Variants in ZCCHC7 observed in about 807,000 individuals in gnomAD.
The protein encoded by ZCCHC7 is zinc finger CCHC domain-containing protein 7.
Under a neutral mutation model 52.0 loss-of-function variants are expected in ZCCHC7, and 35 were observed. That is an observed-to-expected ratio of 0.67 (90% CI 0.51 to 0.89). ZCCHC7 has a LOEUF of 0.89. ZCCHC7 is among the 40% of genes least tolerant of loss of function. The pLI is 0.00. For missense variants in ZCCHC7, 574 were observed against 649.1 expected (o/e 0.88, Z 1.26); for synonymous variants, 217 against 221.5 (o/e 0.98, Z 0.18).
chr9:37,345,528 T>C (rs1043976943), intron 6 of ZCCHC7, among the ~76,000 whole-genome samples: 6 of 152,140 alleles, frequency 3.9e-5, no homozygotes, highest in African/African-American at 1.2e-4. Flanking sequence ...AGGATCAACC[T>C]GACCAACATG....
intron 2 of ZCCHC7, among the ~76,000 whole-genome samples, chr9:37,131,576 C>T (rs534745922): frequency 6.6e-6 from 1 of 152,170 alleles, no homozygotes; most frequent in South Asian, 2.1e-4. Context: ...ACCTGGGAGG[C>T]GGAGGTTGCA....
chr9:37,251,129 A>AGT (rs1229465346), intron 2 of ZCCHC7, among the ~76,000 whole-genome samples: 1 of 152,260 alleles, frequency 6.6e-6, no homozygotes, highest in Non-Finnish European at 1.5e-5. Context: ...ATGTCAATTT[A>AGT]ATGTGTTCAG....
At chr9:37,256,859 T>C (rs1249298119) in intron 2 of ZCCHC7, among the ~76,000 whole-genome samples, 1 of 152,210 alleles carries the variant, frequency 6.6e-6, no homozygotes, top group Admixed American at 6.5e-5. Context: ...TAAAAAGCAA[T>C]TGAATTACTG....
At position 37,134,044 on chromosome 9, in the gene ZCCHC7, A is replaced by G. The variant is rs1842902115; in HGVS notation, c.610+7102A>G. Among the ~76,000 whole-genome samples, 3 of 152,108 alleles carry G rather than the reference A, an allele frequency of 2.0e-5. No individual in the cohort carries two copies. The South Asian group carries it at 6.2e-4, about 31-fold the overall frequency. On this transcript the variant is annotated intron_variant, in intron 2 of 8. Transcript: ENST00000336755. ...CGACTGAAACGTACTATATATATAT[A>G]TGTATATATTTAATCATATTACCAT...
At chr9:37,142,716 G>A (rs1039788464) in intron 2 of ZCCHC7, among the ~76,000 whole-genome samples, 1 of 151,618 alleles carries the variant, frequency 6.6e-6, no homozygotes, top group African/African-American at 2.4e-5. Flanking sequence ...TCATGAGTTT[G>A]TAAAACTATT....
intron 2 of ZCCHC7, among the ~76,000 whole-genome samples, chr9:37,207,001 C>T (rs1476560697): frequency 6.6e-6 from 1 of 151,718 alleles, no homozygotes; most frequent in African/African-American, 2.4e-5. Flanking sequence ...TGGTGTGCAA[C>T]CGTAGTCCCA....
At chr9:37,318,478 T>A (rs1469909929) in intron 5 of ZCCHC7, among the ~76,000 whole-genome samples, 2 of 151,212 alleles carry the variant, frequency 1.3e-5, no homozygotes, top group African/African-American at 4.9e-5. Context: ...TATATATATT[T>A]TATATATATA....
chr9:37,133,246 G>A (rs923924833), intron 2 of ZCCHC7, among the ~76,000 whole-genome samples: 1 of 152,092 alleles, frequency 6.6e-6, no homozygotes, highest in Admixed American at 6.6e-5. Context: ...GTCATCTCTG[G>A]ATTACTTAAC....
chr9:37,160,941 G>T (rs1185379992), intron 2 of ZCCHC7, among the ~76,000 whole-genome samples: 1 of 151,826 alleles, frequency 6.6e-6, no homozygotes, highest in African/African-American at 2.4e-5. Context: ...GTATGCAGGT[G>T]GGGCTCAATA....
chr9:37,222,328 A>AGAGT (rs1397605356), intron 2 of ZCCHC7, among the ~76,000 whole-genome samples: 4 of 133,096 alleles, frequency 3.0e-5, no homozygotes, highest in East Asian at 4.4e-4. Context: ...AGAATAACAG[A>AGAGT]GTGTGTGTGT....
chr9:37,195,984 G>T (rs948079484), intron 2 of ZCCHC7, among the ~76,000 whole-genome samples: 4 of 152,106 alleles, frequency 2.6e-5, no homozygotes. Context: ...TTGAAAGGAA[G>T]GGCCCAGTCC....
chr9:37,221,674 A>G (rs763693940), intron 2 of ZCCHC7, among the ~76,000 whole-genome samples: 6 of 152,212 alleles, frequency 3.9e-5, no homozygotes, highest in Non-Finnish European at 7.3e-5. Context: ...AAGATGAGTA[A>G]GATTTGAATA....
chr9:37,155,521 C>T (rs1191559269), intron 2 of ZCCHC7, among the ~76,000 whole-genome samples: 1 of 151,596 alleles, frequency 6.6e-6, no homozygotes, highest in African/African-American at 2.4e-5. Context: ...AATTCTAATT[C>T]TTTCTTTAAA....
At chr9:37,132,011 TTA>T (rs1460401018) in intron 2 of ZCCHC7, among the ~76,000 whole-genome samples, 1 of 152,236 alleles carries the variant, frequency 6.6e-6, no homozygotes, top group African/African-American at 2.4e-5. Context: ...TTTACTTCCT[TTA>T]TTCTTTCCTA....
chr9:37,177,169 G>A (rs1383994592), intron 2 of ZCCHC7, among the ~76,000 whole-genome samples: 7 of 151,932 alleles, frequency 4.6e-5, no homozygotes, highest in East Asian at 3.9e-4. Context: ...GTGAAACCCC[G>A]TCTCTACTGA....
At chr9:37,204,104 C>G (rs1474597569) in intron 2 of ZCCHC7, among the ~76,000 whole-genome samples, 1 of 152,156 alleles carries the variant, frequency 6.6e-6, no homozygotes, top group Non-Finnish European at 1.5e-5. Flanking sequence ...TAAATGTCGT[C>G]TTTTGATAAG....
intron 2 of ZCCHC7, among the ~76,000 whole-genome samples, chr9:37,168,186 A>G (rs1367608531): frequency 2.6e-5 from 4 of 152,236 alleles, no homozygotes; most frequent in African/African-American, 4.8e-5. Flanking sequence ...GGGCAGTGCT[A>G]GAATTCACCT....
At chr9:37,322,066 C>G (rs1373248731) in intron 5 of ZCCHC7, among the ~76,000 whole-genome samples, 2 of 151,944 alleles carry the variant, frequency 1.3e-5, no homozygotes, top group Non-Finnish European at 2.9e-5. Flanking sequence ...AATGGGATAT[C>G]TGAGTGAGCT....
chr9:37,307,026 TCCAC>T (rs1829360808), intron 5 of ZCCHC7, among the ~76,000 whole-genome samples: 1 of 151,118 alleles, frequency 6.6e-6, no homozygotes, highest in African/African-American at 2.5e-5. Context: ...CCTCAGGTGA[TCCAC>T]CCATTTCAGC....
Sources: gnomAD v4.1 joint callset for allele counts (sites outside exome capture counted in the v4.1 genomes callset) on GRCh38, gnomAD v4.1.1 for gene constraint, MANE v1.5 for transcripts, NCBI Gene and HGNC (gene_info 2026-07-23, HGNC 2026-07-21) for gene names.